The following PCDHGA5 variants were observed in gnomAD, a reference collection of about 807,000 sequenced individuals.
PCDHGA5 encodes protocadherin gamma subfamily A, 5.
In PCDHGA5, 36 loss-of-function variants were observed where a neutral mutation model predicts 56.7. The ratio of observed to expected loss-of-function variants is 0.64; its 90% CI spans 0.49 to 0.84. The LOEUF (loss-of-function observed/expected upper bound fraction) is 0.84, where lower values mean the gene tolerates loss of function less well. Among genes scored for constraint, PCDHGA5 ranks in the 40% least tolerant of loss-of-function variants. The pLI, the probability that PCDHGA5 is intolerant of heterozygous loss-of-function variation, is 0.00. For missense variants in PCDHGA5, 1,305 were observed against 1,201.5 expected, an observed-to-expected ratio of 1.09 and a Z score of -1.27; for synonymous variants, 563 against 520.2, an observed-to-expected ratio of 1.08 and a Z score of -1.12.
rs764313049 is a variant in PCDHGA5, at chr5:141,418,041, T to G, written c.2421+51290T>G. 36 of 1,613,976 alleles carry G rather than the reference T, an allele frequency of 2.2e-5. No homozygotes were observed. In the Admixed American group the frequency reaches 2.3e-4, roughly 10 times the overall value. On this transcript the variant is annotated intron_variant, in intron 1 of 3. Coordinates refer to ENST00000518069, the MANE Select transcript of PCDHGA5 (RefSeq NM_018918.3). Reference sequence around the variant, plus strand: ...GATCTAGGGCTTAGTGTCCTGGATGTGTCGGCTCGCGAGCTGCGAGTGAGC... The same window carrying G: ...GATCTAGGGCTTAGTGTCCTGGATGGGTCGGCTCGCGAGCTGCGAGTGAGC...
chr5:141,392,911 A>G (rs1416480997), intron 1 of PCDHGA5: 1 of 1,613,712 alleles, frequency 6.2e-7, no homozygotes, highest in African/African-American at 1.3e-5. Context: ...CAGATTCGCT[A>G]CTCTGTGCCA....
rs1561533219 is a variant in PCDHGA5, at chr5:141,365,106, C to CTCT, written c.778_779insTTC (p.Thr259_Arg260insLeu). On this transcript the variant is annotated inframe_insertion, in exon 1 of 4. Transcript: ENST00000518069. ...GTTCCAGAGAACATACCTGTGGGCA[C>CTCT]TCGGCTGCTCATGCTAACCGCCACG... The CTCT allele has an allele frequency of 6.2e-7, 1 of 1,613,862 alleles. No individual in the cohort carries two copies. The highest frequency in any genetic ancestry group is 1.1e-5 in the South Asian group (1 of 91,074).
Position 141,392,773 on chromosome 5 carries a change from G to A in PCDHGA5, c.2421+26022G>A, listed in dbSNP as rs767754110. Reference sequence around the variant, plus strand: ...AAGAAACTAAATAAGACCCATTTATGCACAGTGAAGATTCTGAGAGGATTC... The same window carrying A: ...AAGAAACTAAATAAGACCCATTTATACACAGTGAAGATTCTGAGAGGATTC... On this transcript the variant is annotated intron_variant, in intron 1 of 3. Transcript: ENST00000518069. 4 of 1,518,312 alleles carry A rather than the reference G, an allele frequency of 2.6e-6. No homozygotes were observed. In the African/African-American group the frequency reaches 5.6e-5, roughly 21 times the overall value. The allele number at this position is 1,518,312 out of a possible 1,614,324, so 94.1% of individuals were successfully genotyped here.
intron 1 of PCDHGA5, chr5:141,393,012 G>T: frequency 1.9e-6 from 3 of 1,613,842 alleles, no homozygotes; most frequent in Non-Finnish European, 2.5e-6. Context: ...AGTCCGTATC[G>T]TCTCCAGAGG....
At chr5:141,399,662 C>G (rs759226157) in intron 1 of PCDHGA5, 1 of 1,613,666 alleles carries the variant, frequency 6.2e-7, no homozygotes, top group South Asian at 1.1e-5. Context: ...GTGGTGTTCG[C>G]GCAGCGCGCC....
At position 141,364,703 on chromosome 5, in the gene PCDHGA5, G is replaced by C. The variant is rs1281129906; in HGVS notation, c.373G>C (p.Asp125His). ...KIYGVEVEII[D>H]INDNFPRFRD... ...TTATGGAGTAGAAGTAGAAATAATC[G>C]ATATTAATGATAACTTCCCGCGTTT... The change falls in exon 1 of 4, where the codon GAT (aspartate) becomes CAT (histidine). Residue 125 changes from aspartate to histidine, a missense_variant. By Grantham distance (81) the Asp-to-His change is moderately conservative. Transcript: ENST00000518069. 6.2e-7 allele frequency: 1 copy of C among 1,613,930 alleles called. No homozygotes were observed. Among genetic ancestry groups the C allele is most frequent in the East Asian group, 2.2e-5 (1 of 44,886 alleles).
chr5:141,404,600 CTGTT>C (rs901473063), intron 1 of PCDHGA5: 9 of 1,613,938 alleles, frequency 5.6e-6, no homozygotes, highest in East Asian at 2.2e-5. Flanking sequence ...GTCATTGAGA[CTGTT>C]TGTTTTGGAC....
rs538474552 is a variant in PCDHGA5, at chr5:141,415,070, C to T, written c.2421+48319C>T. The T allele has an allele frequency of 2.0e-5, 32 of 1,613,398 alleles. No homozygotes were observed. The African/African-American group carries it at 3.9e-4, about 19-fold the overall frequency. On this transcript the variant is annotated intron_variant, in intron 1 of 3. Transcript: ENST00000518069. Reference sequence around the variant, plus strand: ...GGGGAGCACACGGGCGAGGTGCGCACGGCGCGAGCCCTGCTGGACAGAGAC... The same window carrying T: ...GGGGAGCACACGGGCGAGGTGCGCATGGCGCGAGCCCTGCTGGACAGAGAC...
intron 1 of PCDHGA5, chr5:141,418,610 C>T: frequency 6.2e-7 from 1 of 1,614,054 alleles, no homozygotes; most frequent in Non-Finnish European, 8.5e-7. Context: ...CAGGGTTAGC[C>T]TTCGGGAAGA....
In PCDHGA5 at chr5:141,491,632, C is replaced by T; in HGVS notation, c.2422-3175C>T. On this transcript the variant is annotated intron_variant, in intron 1 of 3. Transcript: ENST00000518069. This position sits in a 1 kb window ranked among gnomAD's most constrained non-coding sequence, Gnocchi z 6.9. ...TCTAAGACCCCTCAGCGTTCAGCAG[C>T]CCACAGCTCTGGCGCTGGAGCCTGA... 1.2e-6 allele frequency: 2 copies of T among 1,613,886 alleles called. No individual in the cohort carries two copies. The highest frequency in any genetic ancestry group is 1.7e-6 in the Non-Finnish European group (2 of 1,179,994).
At chr5:141,431,000 A>G (rs1272572092) in intron 1 of PCDHGA5, 4 of 1,613,898 alleles carry the variant, frequency 2.5e-6, no homozygotes, top group African/African-American at 1.3e-5. Flanking sequence ...GAATCCGCGC[A>G]GCGGCAGCTT....
intron 1 of PCDHGA5, chr5:141,393,882 T>G (rs1471060639): frequency 6.2e-7 from 1 of 1,614,028 alleles, no homozygotes; most frequent in South Asian, 1.1e-5. Flanking sequence ...TAGCCCAGTG[T>G]TAGAAAATTC....
chr5:141,488,939 T>C (rs1229571704), intron 1 of PCDHGA5, among the ~76,000 whole-genome samples: 1 of 152,114 alleles, frequency 6.6e-6, no homozygotes, highest in Non-Finnish European at 1.5e-5. Context: ...GGAAACTCCA[T>C]AATTGGTTGA....
chr5:141,420,076 T>A, intron 1 of PCDHGA5: 2 of 1,613,956 alleles, frequency 1.2e-6, no homozygotes, highest in Non-Finnish European at 1.7e-6. Context: ...GACCTGTGGG[T>A]CCCCCCAACT....
chr5:141,387,122 A>G (rs960154825), intron 1 of PCDHGA5, among the ~76,000 whole-genome samples: 24 of 152,234 alleles, frequency 1.6e-4, no homozygotes, highest in African/African-American at 5.5e-4. Flanking sequence ...CTGTAATGAA[A>G]TCACTGAAAC....
Position 141,370,599 on chromosome 5 carries a change from A to G in PCDHGA5, c.2421+3848A>G, listed in dbSNP as rs987021743. On this transcript the variant is annotated intron_variant, in intron 1 of 3. Transcript: ENST00000518069. ...TTTACCTACTAGGAACCTGCGGGTT[A>G]TTGCAGAGAAGAAATTCTTTACCGT... is the stretch of plus-strand genomic sequence containing the variant. 11 of 1,613,848 alleles carry G rather than the reference A, an allele frequency of 6.8e-6. No homozygotes were observed. The African/African-American group carries it at 1.2e-4, about 18-fold the overall frequency.
intron 1 of PCDHGA5, chr5:141,422,936 C>T: frequency 6.2e-7 from 1 of 1,614,260 alleles, no homozygotes; most frequent in Non-Finnish European, 8.5e-7. Flanking sequence ...GCCCTCCCCA[C>T]AGACGGCTCC....
At chr5:141,381,271 T>G (rs1366742753) in intron 1 of PCDHGA5, among the ~76,000 whole-genome samples, 1 of 152,252 alleles carries the variant, frequency 6.6e-6, no homozygotes, top group Non-Finnish European at 1.5e-5. Context: ...CCAAGACTGT[T>G]TCTTGCCAGG....
intron 1 of PCDHGA5, among the ~76,000 whole-genome samples, chr5:141,368,980 A>G (rs907841049): frequency 4.6e-5 from 7 of 152,190 alleles, no homozygotes; most frequent in Non-Finnish European, 7.3e-5. Context: ...CTTTTCCACT[A>G]TAAGGTGAAT....
Sources: allele counts gnomAD v4.1 joint callset (sites outside exome capture counted in the v4.1 genomes callset), GRCh38; gene constraint gnomAD v4.1.1; non-coding constraint Gnocchi (gnomAD v3.1); transcripts MANE v1.5; gene names NCBI Gene and HGNC (gene_info 2026-07-23, HGNC 2026-07-21).